C9: variants seen among roughly 807,000 people sequenced by gnomAD.
The protein encoded by C9 is complement component C9.
A neutral mutation model predicts 65.4 loss-of-function variants in C9; 63 were observed. The observed-to-expected ratio is 0.96, with a 90% CI of 0.79 to 1.19. The LOEUF (loss-of-function observed/expected upper bound fraction) is 1.19. C9 is among the 50% of genes most tolerant of loss of function. The pLI is 0.00. For synonymous variants in C9, 229 were observed against 227.9 expected (o/e 1.00, Z -0.04); for missense variants, 744 against 670.1 (o/e 1.11, Z -1.22).
At chr5:39,345,478 C>G (rs757854702) in intron 1 of C9, among the ~76,000 whole-genome samples, 1 of 152,154 alleles carries the variant, frequency 6.6e-6, no homozygotes, top group African/African-American at 2.4e-5. Context: ...GCTAACTATC[C>G]TAAATACATA....
intron 7 of C9, among the ~76,000 whole-genome samples, chr5:39,308,812 G>A (rs557946120): frequency 4.6e-5 from 7 of 152,268 alleles, no homozygotes; most frequent in Admixed American, 3.3e-4. Flanking sequence ...GAATTGCAGA[G>A]CAGTTGAATA....
At chr5:39,344,397 C>T (rs931324622) in intron 1 of C9, among the ~76,000 whole-genome samples, 6 of 152,022 alleles carry the variant, frequency 3.9e-5, no homozygotes, top group South Asian at 2.1e-4. Context: ...GTAGCTGATT[C>T]GATCAACTGG....
intron 1 of C9, among the ~76,000 whole-genome samples, chr5:39,358,884 C>T (rs1275266260): frequency 1.3e-5 from 2 of 151,176 alleles, no homozygotes; most frequent in East Asian, 1.9e-4. Flanking sequence ...ACTAGGGAGG[C>T]TGAGACAGGA....
chr5:39,321,655 T>C (rs74433058), intron 5 of C9, among the ~76,000 whole-genome samples: 2,317 of 152,058 alleles, frequency 0.015, 59 homozygotes, highest in East Asian at 0.071. Context: ...AACTATTATA[T>C]ATGCTGCCTA....
intron 1 of C9, among the ~76,000 whole-genome samples, chr5:39,355,383 C>T (rs561393875): frequency 6.6e-6 from 1 of 152,294 alleles, no homozygotes; most frequent in South Asian, 2.1e-4. Flanking sequence ...ACATGATTTG[C>T]AATAATAATA....
chr5:39,308,178 T>C lies in C9; in HGVS notation c.1240+52A>G, dbSNP rs942523960. ...GCTCATTGCAAGAGGGCAGTGCTCA[T>C]TGACATCTACCCTCAGGCTTTATAA... is the stretch of plus-strand genomic sequence containing the variant. On this transcript the variant is annotated intron_variant, in intron 8 of 10. Transcript: ENST00000263408. The C allele has an allele frequency of 4.6e-6, 7 of 1,533,400 alleles. No individual in the cohort carries two copies. The Admixed American group carries it at 6.7e-5, about 15-fold the overall frequency. 95.0% of individuals were successfully genotyped at this position (1,533,400 alleles called of 1,614,324 possible).
At chr5:39,349,195 A>C (rs1005367094) in intron 1 of C9, among the ~76,000 whole-genome samples, 7 of 150,054 alleles carry the variant, frequency 4.7e-5, no homozygotes, top group African/African-American at 1.7e-4. Flanking sequence ...AAAAAAAAAA[A>C]CACAGAAAAG....
chr5:39,341,383 G>A, intron 3 of C9, 90 bp from the exon 4 acceptor site: 1 of 1,512,630 alleles, frequency 6.6e-7, no homozygotes, highest in Non-Finnish European at 9.2e-7. Context: ...AACCCTGGAG[G>A]TGAGGTATCA....
Position 39,284,441 on chromosome 5 carries a change from T to C in C9, c.*758A>G, listed in dbSNP as rs1340186302. The C allele has an allele frequency of 6.6e-6, 1 of 152,204 alleles. No individual in the cohort carries two copies. Among genetic ancestry groups the C allele is most frequent in the Admixed American group, 6.5e-5 (1 of 15,268 alleles). 9.4% of individuals were successfully genotyped at this position (152,204 alleles called of 1,614,324 possible). A position where few individuals can be genotyped will look rare whatever the true frequency, so the allele number is the denominator to read the frequency against. On this transcript the variant is annotated 3_prime_UTR_variant, in exon 11 of 11. Coordinates refer to ENST00000263408, the MANE Select transcript of C9 (RefSeq NM_001737.5). ...GGTATTAAGTTGGACTATATAAAAT[T>C]GATGTTTTTTCTTGTAAAATATGAT...
At position 39,315,843 on chromosome 5, in the gene C9, C is replaced by G. The variant is rs1753559765; in HGVS notation, c.802G>C (p.Gly268Arg). 1.9e-6 allele frequency: 3 copies of G among 1,611,112 alleles called. No individual in the cohort carries two copies. In the East Asian group the frequency reaches 6.7e-5, roughly 36 times the overall value. The change falls in exon 6 of 11, where the codon GGT (glycine) becomes CGT (arginine). Residue 268 changes from glycine (G) to arginine (R), a missense_variant. Gly to Arg is a moderately radical substitution (Grantham distance 125, BLOSUM62 -2). Coordinates refer to ENST00000263408, the MANE Select transcript of C9 (RefSeq NM_001737.5). Reference sequence around the variant, plus strand: ...TTGGAATATGAAAACCGAAAACTACCCTTGCCATGTAAAGAAATTGAGGAG... The same window carrying G: ...TTGGAATATGAAAACCGAAAACTACGCTTGCCATGTAAAGAAATTGAGGAG... ...TASSISLHGK[G>R]SFRFSYSKNE...
intron 5 of C9, among the ~76,000 whole-genome samples, chr5:39,324,403 A>G (rs1202215813): frequency 6.6e-6 from 1 of 152,144 alleles, no homozygotes; most frequent in Non-Finnish European, 1.5e-5. Flanking sequence ...ATGCTTTCTG[A>G]TAGAGGGGGT....
chr5:39,315,792 AC>A lies in C9; in HGVS notation c.852del (p.Leu284PhefsTer14), dbSNP rs1414248101. On this transcript the variant is annotated frameshift_variant, in exon 6 of 11. Transcript: ENST00000263408. LOFTEE classifies it high-confidence loss of function. ...TGTCTTACCTTCTTTGAAGAATATG[AC>A]AAAAATAGTTGGTAAGTTTCATTTT... Reference protein sequence around the residue: ...YSKNETYQLFLSYSSKKEKMF... With the variant: ...YSKNETYQLFXSYSSKKEKMF... 1.9e-6 allele frequency: 3 copies of A among 1,603,244 alleles called. No individual in the cohort carries two copies. In the South Asian group the frequency reaches 3.3e-5, roughly 18 times the overall value.
At chr5:39,338,873 A>G (rs1446536143) in intron 4 of C9, among the ~76,000 whole-genome samples, 2 of 152,358 alleles carry the variant, frequency 1.3e-5, no homozygotes, top group Admixed American at 1.3e-4. Flanking sequence ...TTTTCCCTGA[A>G]CAAAGGAAAC....
At chr5:39,326,866 G>A (rs373142158) in intron 5 of C9, among the ~76,000 whole-genome samples, 4 of 152,152 alleles carry the variant, frequency 2.6e-5, no homozygotes, top group African/African-American at 9.6e-5. Flanking sequence ...AACTTTAATG[G>A]CAATTCCAAT....
chr5:39,288,499 AATTT>A (rs1753032306), intron 10 of C9, among the ~76,000 whole-genome samples: 1 of 151,644 alleles, frequency 6.6e-6, no homozygotes, highest in Non-Finnish European at 1.5e-5. Context: ...CAATAATTAT[AATTT>A]ATTTATTTAT....
At chr5:39,337,118 G>A (rs1481564537) in intron 4 of C9, among the ~76,000 whole-genome samples, 2 of 152,158 alleles carry the variant, frequency 1.3e-5, no homozygotes, top group Non-Finnish European at 2.9e-5. Flanking sequence ...GAATGCAGCT[G>A]AATTGTCATG....
At chr5:39,333,654 C>T (rs1405770792) in intron 4 of C9, among the ~76,000 whole-genome samples, 1 of 92,434 alleles carries the variant, frequency 1.1e-5, no homozygotes, top group Non-Finnish European at 2.7e-5. Context: ...GTCTCCCTCT[C>T]ATGCCGAGCG....
intron 5 of C9, among the ~76,000 whole-genome samples, chr5:39,323,383 A>G (rs1753695574): frequency 6.6e-6 from 1 of 151,840 alleles, no homozygotes; most frequent in Admixed American, 6.6e-5. Flanking sequence ...TTACAAGCCA[A>G]TATCCCTGAT....
chr5:39,298,118 A>G (rs1753217069), intron 9 of C9, among the ~76,000 whole-genome samples: 1 of 151,772 alleles, frequency 6.6e-6, no homozygotes. Flanking sequence ...AATATTTTAA[A>G]TTGAATGAAA....
Sources: allele counts gnomAD v4.1 joint callset (sites outside exome capture counted in the v4.1 genomes callset), GRCh38; gene constraint gnomAD v4.1.1; transcripts MANE v1.5; gene names NCBI Gene and HGNC (gene_info 2026-07-23, HGNC 2026-07-21).